The following ZNF280D variants were observed in gnomAD, a reference collection of about 807,000 sequenced individuals.
ZNF280D encodes the protein zinc finger protein 280D.
ZNF280D carries 39 observed loss-of-function variants against 94.7 expected under a neutral mutation model. That is an observed-to-expected ratio of 0.41 (90% CI 0.32 to 0.54). ZNF280D has a LOEUF of 0.54. ZNF280D is among the 20% of genes least tolerant of loss of function. The probability of loss-of-function intolerance (pLI) is 0.22; values close to 1 mark genes in which losing one functional copy is unlikely to be tolerated. For missense variants in ZNF280D, 1,090 were observed against 1,149.3 expected (o/e 0.95, Z 0.75); for synonymous variants, 398 against 377.6 (o/e 1.05, Z -0.63).
At chr15:56,720,139 T>C (rs1437929582) in intron 1 of ZNF280D, among the ~76,000 whole-genome samples, 1 of 152,208 alleles carries the variant, frequency 6.6e-6, no homozygotes, top group Non-Finnish European at 1.5e-5. Flanking sequence ...TGATCCACAG[T>C]AGAACTCCTT....
chr15:56,679,765 AATC>A (rs371393721), intron 10 of ZNF280D, among the ~76,000 whole-genome samples: 171 of 152,320 alleles, frequency 1.1e-3, no homozygotes, highest in African/African-American at 4.0e-3. Flanking sequence ...TCTAGATAGC[AATC>A]ATCATGAAGA....
chr15:56,733,318 C>A (rs929543662), intron 1 of ZNF280D, 140 bp downstream of exon 1: 3 of 358,788 alleles, frequency 8.4e-6, no homozygotes, highest in Non-Finnish European at 1.2e-5. Flanking sequence ...GTCTCCTCCC[C>A]CGCGCTCTGG....
At chr15:56,635,159 T>C in intron 21 of ZNF280D, 36 bp downstream of exon 21, 1 of 1,348,032 alleles carries the variant, frequency 7.4e-7, no homozygotes, top group Non-Finnish European at 1.0e-6. Flanking sequence ...TTTGTATACT[T>C]GAATTTTATG....
At position 56,712,535 on chromosome 15, in the gene ZNF280D, AG is replaced by A. The variant is rs562986541; in HGVS notation, c.-85-5230del. Among the ~76,000 whole-genome samples the A allele has an allele frequency of 2.5e-3, 309 of 124,494 alleles. 5 individuals are homozygous for A. Among genetic ancestry groups the A allele is most frequent in the African/African-American group, 8.9e-3 (290 of 32,516 alleles). 81.7% of individuals were successfully genotyped at this position (124,494 alleles called of 152,430 possible). On this transcript the variant is annotated intron_variant, in intron 1 of 21. Coordinates refer to ENST00000267807, the MANE Select transcript of ZNF280D (RefSeq NM_017661.4). ...CCCAGCTATAAGAGGTTGAGGCTGCAGTGAGCCGAGACTGGGCCACTGCACT... is the reference window on the plus strand; with the variant it reads ...CCCAGCTATAAGAGGTTGAGGCTGCATGAGCCGAGACTGGGCCACTGCACT...
chr15:56,641,885 T>C (rs12907983), intron 20 of ZNF280D, among the ~76,000 whole-genome samples: 140,794 of 151,688 alleles, frequency 0.93, 65,673 homozygotes, highest in East Asian at 1. Context: ...AAGTTTTTAA[T>C]TGCCCTAAAA....
chr15:56,703,666 C>A (rs1310440452), intron 4 of ZNF280D, among the ~76,000 whole-genome samples: 1 of 151,976 alleles, frequency 6.6e-6, no homozygotes, highest in Non-Finnish European at 1.5e-5. Flanking sequence ...GCAGCCTGGG[C>A]AGCATGGTGA....
At chr15:56,704,322 AT>A in intron 3 of ZNF280D, 55 bp from the exon 4 acceptor site, 1 of 1,479,886 alleles carries the variant, frequency 6.8e-7, no homozygotes. Context: ...AAATAAAAAC[AT>A]TTTTGTAATA....
chr15:56,701,969 T>A lies in ZNF280D; in HGVS notation c.176-731A>T, dbSNP rs567287592. Among the ~76,000 whole-genome samples the A allele has an allele frequency of 1.9e-4, 28 of 145,638 alleles. No individual in the cohort carries two copies. The South Asian group carries it at 5.8e-3, about 30-fold the overall frequency. The stretch of plus-strand genomic sequence containing the variant: ...ACTTCTAGCTTATCAAATTATAGTT[T>A]GGAAGCATGAGGATTTGCCTAAAAT... On this transcript the variant is annotated intron_variant, in intron 4 of 21. Coordinates refer to ENST00000267807, the MANE Select transcript of ZNF280D (RefSeq NM_017661.4).
rs2054619860 is a variant in ZNF280D at position 56,669,902 on chromosome 15, AATATATATATAT to A, written c.1411-957_1411-946del. On this transcript the variant is annotated intron_variant, in intron 13 of 21. Coordinates refer to ENST00000267807, the MANE Select transcript of ZNF280D (RefSeq NM_017661.4). ...ATATATATATATTATATATATATAT[AATATATATATAT>A]TATATATATATTATATATATATTAT... Among the ~76,000 whole-genome samples, 5 of 2,734 alleles carry A rather than the reference AATATATATATAT, an allele frequency of 1.8e-3. 1 individual carries two copies. The highest frequency in any genetic ancestry group is 7.0e-3 in the Admixed American group (1 of 142). The allele number at this position is 2,734 out of a possible 152,430, so 1.8% of individuals were successfully genotyped here.
rs527685650 is a variant in ZNF280D, at chr15:56,713,971, A to G, written c.-85-6665T>C. ...ATAAACAATAATATAATTAAAGGAG[A>G]GACCTATGATTAAAATGATTTAATA... On this transcript the variant is annotated intron_variant, in intron 1 of 21. Coordinates refer to ENST00000267807, the MANE Select transcript of ZNF280D (RefSeq NM_017661.4). Among the ~76,000 whole-genome samples, 6 of 152,318 alleles carry G rather than the reference A, an allele frequency of 3.9e-5. No homozygotes were observed. In the South Asian group the frequency reaches 1.2e-3, roughly 32 times the overall value.
At chr15:56,649,223 T>G (rs1372974618) in intron 19 of ZNF280D, among the ~76,000 whole-genome samples, 1 of 152,146 alleles carries the variant, frequency 6.6e-6, no homozygotes, top group Admixed American at 6.6e-5. Context: ...ATTTATAATC[T>G]ATAAGCAACA....
intron 21 of ZNF280D, among the ~76,000 whole-genome samples, chr15:56,634,575 AC>A (rs74631480): frequency 0.14 from 21,969 of 152,130 alleles, 1,668 homozygotes; most frequent in Non-Finnish European, 0.16. Context: ...CTAACAGGCA[AC>A]CTACAGTAAA....
chr15:56,652,715 A>T, intron 19 of ZNF280D: 1 of 985,316 alleles, frequency 1.0e-6, no homozygotes, highest in Non-Finnish European at 1.2e-6. Flanking sequence ...TAACTTTAAA[A>T]CTGGCTCTTA....
chr15:56,702,085 T>A (rs1275066782), intron 4 of ZNF280D, among the ~76,000 whole-genome samples: 1 of 149,250 alleles, frequency 6.7e-6, no homozygotes, highest in Non-Finnish European at 1.5e-5. Flanking sequence ...TTCCTCACAG[T>A]AGAAAGAAAC....
intron 1 of ZNF280D, among the ~76,000 whole-genome samples, chr15:56,718,106 A>T (rs995885405): frequency 2.1e-4 from 32 of 152,058 alleles, no homozygotes; most frequent in African/African-American, 7.5e-4. Flanking sequence ...AAGATTTTTC[A>T]TTATTTCAGT....
In ZNF280D at chr15:56,670,759, G is replaced by A. The variant is rs148201391; in HGVS notation, c.1411-1802C>T. Reference sequence around the variant, plus strand: ...TCTGTCTCTAGGTCTTCAAGGAATTGCCACACTCTCTTCCACAATGGTTAA... The same window carrying A: ...TCTGTCTCTAGGTCTTCAAGGAATTACCACACTCTCTTCCACAATGGTTAA... On this transcript the variant is annotated intron_variant, in intron 13 of 21. Coordinates refer to ENST00000267807, the MANE Select transcript of ZNF280D (RefSeq NM_017661.4). Among the ~76,000 whole-genome samples the A allele has an allele frequency of 3.3e-3, 496 of 152,094 alleles. 2 individuals carry two copies. The highest frequency in any genetic ancestry group is 0.011 in the African/African-American group (475 of 41,510).
chr15:56,676,509 A>C (rs1396771342), intron 13 of ZNF280D, among the ~76,000 whole-genome samples, 161 bp downstream of exon 13: 1 of 152,170 alleles, frequency 6.6e-6, no homozygotes, highest in African/African-American at 2.4e-5. Flanking sequence ...TAAGGAAAAG[A>C]AGTGGAATTT....
intron 1 of ZNF280D, among the ~76,000 whole-genome samples, chr15:56,719,626 C>T (rs1235412853): frequency 6.6e-6 from 1 of 152,032 alleles, no homozygotes; most frequent in African/African-American, 2.4e-5. Flanking sequence ...AGTCCCAGTC[C>T]TTCCTCTTTT....
rs1555411935 is a variant in ZNF280D at position 56,682,497 on chromosome 15, A to AAC, written c.781-21_781-20insGT. 4.8e-6 allele frequency: 7 copies of AAC among 1,450,574 alleles called. No individual in the cohort carries two copies. The South Asian group carries it at 6.6e-5, about 14-fold the overall frequency. 89.9% of individuals were successfully genotyped at this position (1,450,574 alleles called of 1,614,324 possible). A position where few individuals can be genotyped will look rare whatever the true frequency, so the allele number is the denominator to read the frequency against. On this transcript the variant is annotated intron_variant, in intron 9 of 21. Transcript: ENST00000267807. Reference sequence around the variant, plus strand: ...ACAATACTGAAAGAGAAAAAAAAAAAAAAAAAACAAGCCTTACTTATTCTT... The same window carrying AAC: ...ACAATACTGAAAGAGAAAAAAAAAAAACAAAAAAACAAGCCTTACTTATTCTT...
Sources: allele counts gnomAD v4.1 joint callset (sites outside exome capture counted in the v4.1 genomes callset), GRCh38; gene constraint gnomAD v4.1.1; transcripts MANE v1.5; gene names NCBI Gene and HGNC (gene_info 2026-07-23, HGNC 2026-07-21).